LSM8: variants seen among roughly 807,000 people sequenced by gnomAD.
LSM8 encodes LSM8 homolog, U6 small nuclear RNA associated.
LSM8 carries 14 observed loss-of-function variants against 15.0 expected under a neutral mutation model. That is an observed-to-expected ratio of 0.93 (90% CI 0.62 to 1.46). The LOEUF is 1.46. Ranked by LOEUF, LSM8 falls within the 40% of genes most tolerant of loss-of-function variation. The probability of loss-of-function intolerance (pLI) is 0.00; values close to 1 mark genes in which losing one functional copy is unlikely to be tolerated. For missense variants in LSM8, 90 were observed against 115.4 expected (o/e 0.78, Z 1.01); for synonymous variants, 50 against 42.1 (o/e 1.19, Z -0.73).
Position 118,191,919 on chromosome 7 carries a change from A to C in LSM8, c.208A>C (p.Ile70Leu). The change falls in exon 4 of 4, where the codon ATT becomes CTT. Residue 70 changes from isoleucine (I) to leucine (L), a missense_variant. Physicochemically the swap from Ile to Leu is conservative, Grantham distance 5 (BLOSUM62 2). Transcript: ENST00000249299. ...YIVRGDNVAV[I>L]GEIDEETDSA... ...TAACTCTGACTTTTTTAGTGCAGTC[A>C]TTGGAGAAATCGATGAAGAAACAGA... The C allele has an allele frequency of 6.2e-7, 1 of 1,610,618 alleles. No individual in the cohort carries two copies. Among genetic ancestry groups the C allele is most frequent in the African/African-American group, 1.3e-5 (1 of 74,968 alleles).
At chr7:118,186,937 C>T (rs1741259484) in intron 2 of LSM8, among the ~76,000 whole-genome samples, 1 of 151,708 alleles carries the variant, frequency 6.6e-6, no homozygotes, top group Non-Finnish European at 1.5e-5. Flanking sequence ...TTTTTGTTGA[C>T]AGGGTAGATA....
chr7:118,198,183 C>G lies in LSM8; in HGVS notation c.*6181C>G, dbSNP rs952935034. Among the ~76,000 whole-genome samples the G allele has an allele frequency of 6.6e-6, 1 of 151,834 alleles. No individual in the cohort carries two copies. Among genetic ancestry groups the G allele is most frequent in the African/African-American group, 2.4e-5 (1 of 41,322 alleles). ...TTTGATCAAATTTTTAAAAGTAACACGAGGCAGAGAAAGTACAGAAAGGAG... is the reference window on the plus strand; with the variant it reads ...TTTGATCAAATTTTTAAAAGTAACAGGAGGCAGAGAAAGTACAGAAAGGAG... On this transcript the variant is annotated 3_prime_UTR_variant, in exon 4 of 4. Transcript: ENST00000249299.
rs1809205221 is a variant in LSM8, at chr7:118,203,743, AG to A, written c.*11742del. 6.6e-6 allele frequency among the ~76,000 whole-genome samples: 1 copy of A among 151,878 alleles called. No homozygotes were observed. Among genetic ancestry groups the A allele is most frequent in the East Asian group, 1.9e-4 (1 of 5,196 alleles). ...TGATTCTATAGTAACAGTTTAGTTG[AG>A]AAAATAAATCATAATTTGTGATTTC... On this transcript the variant is annotated 3_prime_UTR_variant, in exon 4 of 4. Coordinates refer to ENST00000249299, the MANE Select transcript of LSM8 (RefSeq NM_016200.5).
At position 118,200,988 on chromosome 7, in the gene LSM8, GC is replaced by G. The variant is rs1182706743; in HGVS notation, c.*8987del. The stretch of plus-strand genomic sequence containing the variant: ...AATTATATTAAAATCTAATTTGGTA[GC>G]AATTGACTTGAAATTTGTGATACTT... On this transcript the variant is annotated 3_prime_UTR_variant, in exon 4 of 4. Coordinates refer to ENST00000249299, the MANE Select transcript of LSM8 (RefSeq NM_016200.5). Among the ~76,000 whole-genome samples, 1 of 152,004 alleles carries G rather than the reference GC, an allele frequency of 6.6e-6. No individual in the cohort carries two copies. Among genetic ancestry groups the G allele is most frequent in the Non-Finnish European group, 1.5e-5 (1 of 67,966 alleles).
intron 2 of LSM8, 83 bp downstream of exon 2, chr7:118,185,777 C>A: frequency 7.9e-7 from 1 of 1,264,728 alleles, no homozygotes; most frequent in Non-Finnish European, 1.1e-6. Flanking sequence ...ATCTCTAATG[C>A]CTAGACAGCA....
rs1475489564 is a variant in LSM8, at chr7:118,194,787, T to C, written c.*2785T>C. Among the ~76,000 whole-genome samples, 1 of 152,082 alleles carries C rather than the reference T, an allele frequency of 6.6e-6. No homozygotes were observed. Among genetic ancestry groups the C allele is most frequent in the Non-Finnish European group, 1.5e-5 (1 of 67,996 alleles). ...AACTCTTAACTGACAATATAGTTAGTATATTCTGGGCCTTCATCTTCAAAA... is the reference window on the plus strand; with the variant it reads ...AACTCTTAACTGACAATATAGTTAGCATATTCTGGGCCTTCATCTTCAAAA... On this transcript the variant is annotated 3_prime_UTR_variant, in exon 4 of 4. Coordinates refer to ENST00000249299, the MANE Select transcript of LSM8 (RefSeq NM_016200.5).
In LSM8 at chr7:118,194,912, G is replaced by A. The variant is rs1182872270; in HGVS notation, c.*2910G>A. 6.6e-6 allele frequency among the ~76,000 whole-genome samples: 1 copy of A among 152,092 alleles called. No homozygotes were observed. The highest frequency in any genetic ancestry group is 1.5e-5 in the Non-Finnish European group (1 of 67,994). ...TATGGGAAAATTGAGGCTCAGCAGG[G>A]TCAAGTGACTTGTAAGAGGTAGCAC... is the stretch of plus-strand genomic sequence containing the variant. On this transcript the variant is annotated 3_prime_UTR_variant, in exon 4 of 4. Transcript: ENST00000249299.
Position 118,202,155 on chromosome 7 carries a change from AG to A in LSM8, c.*10154del, listed in dbSNP as rs1809181725. 6.6e-6 allele frequency among the ~76,000 whole-genome samples: 1 copy of A among 152,082 alleles called. No individual in the cohort carries two copies. The highest frequency in any genetic ancestry group is 2.4e-5 in the African/African-American group (1 of 41,440). On this transcript the variant is annotated 3_prime_UTR_variant, in exon 4 of 4. Coordinates refer to ENST00000249299, the MANE Select transcript of LSM8 (RefSeq NM_016200.5). Reference sequence around the variant, plus strand: ...GATGTCTTGAAATAGATACATTGGCAGTTTTTTTGTTTTTGTTTTTGCTTGT... The same window carrying A: ...GATGTCTTGAAATAGATACATTGGCATTTTTTTGTTTTTGTTTTTGCTTGT...
chr7:118,188,501 T>A, intron 3 of LSM8, 96 bp downstream of exon 3: 1 of 1,100,030 alleles, frequency 9.1e-7, no homozygotes, highest in Non-Finnish European at 1.3e-6. Flanking sequence ...TGTCCATACA[T>A]AGTTAATAGA....
At chr7:118,187,949 C>T (rs992035) in intron 2 of LSM8, among the ~76,000 whole-genome samples, 78,271 of 151,752 alleles carry the variant, frequency 0.52, 22,407 homozygotes, top group South Asian at 0.64. Flanking sequence ...TATCCTTTGT[C>T]TTAGTTTATA....
At position 118,202,507 on chromosome 7, in the gene LSM8, A is replaced by G. The variant is rs1809186902; in HGVS notation, c.*10505A>G. 6.6e-6 allele frequency among the ~76,000 whole-genome samples: 1 copy of G among 152,010 alleles called. No individual in the cohort carries two copies. On this transcript the variant is annotated 3_prime_UTR_variant, in exon 4 of 4. Transcript: ENST00000249299. Reference sequence around the variant, plus strand: ...TTCCATCTAATTAGAATAAAGAAAGATGAAATAGGAAAGTGAGATTATCAT... The same window carrying G: ...TTCCATCTAATTAGAATAAAGAAAGGTGAAATAGGAAAGTGAGATTATCAT...
At chr7:118,191,749 C>G (rs993873420) in intron 3 of LSM8, 163 bp from the exon 4 acceptor site, 13 of 563,776 alleles carry the variant, frequency 2.3e-5, no homozygotes, top group African/African-American at 2.3e-4. Context: ...TTCACTGACT[C>G]ACGCCAATGT....
At chr7:118,190,607 A>G (rs1033349039) in intron 3 of LSM8, 1 of 152,158 alleles carries the variant, frequency 6.6e-6, no homozygotes, top group Non-Finnish European at 1.5e-5. Flanking sequence ...ATGTATCAGC[A>G]TTTCCCTGCT....
chr7:118,185,713 C>T lies in LSM8; in HGVS notation c.72+19C>T, dbSNP rs1449165764. 1 of 1,601,624 alleles carries T rather than the reference C, an allele frequency of 6.2e-7. No homozygotes were observed. Among genetic ancestry groups the T allele is most frequent in the Non-Finnish European group, 8.5e-7 (1 of 1,169,812 alleles). On this transcript the variant is annotated intron_variant, in intron 2 of 3. Coordinates refer to ENST00000249299, the MANE Select transcript of LSM8 (RefSeq NM_016200.5). ...GATTGTGGTAAGTCTTTGGAATTTT[C>T]ATTCTCTGCTTTCCTGTAGGTTTAT...
rs886193632 is a variant in LSM8, at chr7:118,202,568, C to A, written c.*10566C>A. Among the ~76,000 whole-genome samples the A allele has an allele frequency of 1.3e-5, 2 of 152,010 alleles. No individual in the cohort carries two copies. The highest frequency in any genetic ancestry group is 1.5e-5 in the Non-Finnish European group (1 of 67,954). ...TAAATGCTTTCCCAACTATAACCAG[C>A]AGACTATACTGGCAAAATATACTGC... On this transcript the variant is annotated 3_prime_UTR_variant, in exon 4 of 4. Transcript: ENST00000249299.
Position 118,184,200 on chromosome 7 carries a change from C to A in LSM8, c.-24C>A, listed in dbSNP as rs757504248. 6.5e-7 allele frequency: 1 copy of A among 1,543,300 alleles called. No homozygotes were observed. The highest frequency in any genetic ancestry group is 8.7e-7 in the Non-Finnish European group (1 of 1,143,212). On this transcript the variant is annotated 5_prime_UTR_variant, in exon 1 of 4. Coordinates refer to ENST00000249299, the MANE Select transcript of LSM8 (RefSeq NM_016200.5). ...GCTTGCTGTCGGCACCGCTGCGTTA[C>A]CCGGAACCGCCGGGCCGAACAGCAT...
chr7:118,188,232 G>A (rs1808918058), intron 2 of LSM8, 46 bp from the exon 3 acceptor site: 1 of 1,601,086 alleles, frequency 6.2e-7, no homozygotes, highest in African/African-American at 1.3e-5. Context: ...ACACTTTCAG[G>A]TAAACCAGAA....
rs1216107519 is a variant in LSM8 at position 118,203,346 on chromosome 7, A to G, written c.*11344A>G. Among the ~76,000 whole-genome samples the G allele has an allele frequency of 6.6e-6, 1 of 151,852 alleles. No homozygotes were observed. The highest frequency in any genetic ancestry group is 2.4e-5 in the African/African-American group (1 of 41,404). ...TCCCATTTCCCTTGAAGAAGATACT[A>G]ATATTTCTGATATCATATAGGAGTA... is the stretch of plus-strand genomic sequence containing the variant. On this transcript the variant is annotated 3_prime_UTR_variant, in exon 4 of 4. Coordinates refer to ENST00000249299, the MANE Select transcript of LSM8 (RefSeq NM_016200.5).
intron 1 of LSM8, chr7:118,184,476 A>G: frequency 2.2e-6 from 1 of 453,216 alleles, no homozygotes. Flanking sequence ...CCAAATAAAA[A>G]CCCAGTGTGA....
Sources: allele counts gnomAD v4.1 joint callset (sites outside exome capture counted in the v4.1 genomes callset), GRCh38; gene constraint gnomAD v4.1.1; transcripts MANE v1.5; gene names NCBI Gene and HGNC (gene_info 2026-07-23, HGNC 2026-07-21).